Variants in CWC27 observed in about 807,000 individuals in gnomAD.
CWC27 encodes the protein CWC27 spliceosome associated cyclophilin.
CWC27 carries 47 observed loss-of-function variants against 63.6 expected under a neutral mutation model. That is an observed-to-expected ratio of 0.74 (90% CI 0.58 to 0.94). The LOEUF is 0.94. Ranked by LOEUF, CWC27 falls within the 40% of genes least tolerant of loss-of-function variation. CWC27 has a pLI of 0.00. For missense variants in CWC27, 495 were observed against 554.3 expected, an observed-to-expected ratio of 0.89 and a Z score of 1.07; for synonymous variants, 175 against 179.8, an observed-to-expected ratio of 0.97 and a Z score of 0.22.
chr5:64,910,608 A>G (rs1747764945), intron 11 of CWC27, among the ~76,000 whole-genome samples: 1 of 152,204 alleles, frequency 6.6e-6, no homozygotes, highest in Non-Finnish European at 1.5e-5. Context: ...GGCTCCACCC[A>G]GTTCAAGCTT....
chr5:64,800,137 C>A, intron 7 of CWC27, 111 bp from the exon 8 acceptor site: 2 of 624,066 alleles, frequency 3.2e-6, no homozygotes, highest in Non-Finnish European at 2.6e-6. Context: ...AGGAATACAT[C>A]TTTTGCTAAC....
At chr5:64,889,291 T>C (rs1475720393) in intron 11 of CWC27, among the ~76,000 whole-genome samples, 1 of 152,218 alleles carries the variant, frequency 6.6e-6, no homozygotes, top group Non-Finnish European at 1.5e-5. Context: ...GTTCCAACAT[T>C]ATTGGCATGG....
chr5:64,930,739 C>T (rs1362474992), intron 11 of CWC27, among the ~76,000 whole-genome samples: 1 of 152,050 alleles, frequency 6.6e-6, no homozygotes, highest in Non-Finnish European at 1.5e-5. Context: ...ATAGAGAAAC[C>T]GTAAAACACC....
At chr5:64,842,441 C>T (rs1187379408) in intron 10 of CWC27, among the ~76,000 whole-genome samples, 1 of 151,710 alleles carries the variant, frequency 6.6e-6, no homozygotes, top group African/African-American at 2.4e-5. Context: ...GTAGCTGAGA[C>T]TGCAGGCACC....
intron 13 of CWC27, among the ~76,000 whole-genome samples, chr5:64,981,545 G>A (rs956535917): frequency 2.0e-5 from 3 of 152,054 alleles, no homozygotes; most frequent in Admixed American, 6.5e-5. Context: ...CATTTTCTTA[G>A]GATAAATTTC....
intron 10 of CWC27, chr5:64,808,296 A>G: frequency 1.0e-6 from 1 of 989,852 alleles, no homozygotes; most frequent in Non-Finnish European, 1.2e-6. Flanking sequence ...AGTTTGTATC[A>G]TGTTAGTTCC....
At chr5:64,824,865 T>C (rs896974126) in intron 10 of CWC27, among the ~76,000 whole-genome samples, 10 of 151,372 alleles carry the variant, frequency 6.6e-5, no homozygotes, top group African/African-American at 2.4e-4. Flanking sequence ...CCCTAGTAGC[T>C]GGGACTACAG....
At chr5:64,987,645 G>T (rs1462353474) in intron 13 of CWC27, among the ~76,000 whole-genome samples, 1 of 152,118 alleles carries the variant, frequency 6.6e-6, no homozygotes, top group African/African-American at 2.4e-5. Context: ...GATTATTTTA[G>T]TTTTCCTTCA....
intron 11 of CWC27, among the ~76,000 whole-genome samples, chr5:64,967,330 ATTG>A (rs1247792361): frequency 6.6e-6 from 1 of 152,064 alleles, no homozygotes; most frequent in African/African-American, 2.4e-5. Context: ...TAGATTCACT[ATTG>A]TTAAGATTGC....
chr5:64,990,431 AT>A (rs1161236011), intron 13 of CWC27, among the ~76,000 whole-genome samples: 1 of 106,684 alleles, frequency 9.4e-6, no homozygotes, highest in Non-Finnish European at 2.0e-5. Context: ...CGCCCGGCTA[AT>A]TTTTTTGTAT....
At chr5:64,986,184 TA>T (rs1281367651) in intron 13 of CWC27, among the ~76,000 whole-genome samples, 1 of 152,180 alleles carries the variant, frequency 6.6e-6, no homozygotes, top group African/African-American at 2.4e-5. Context: ...CATGAAAACA[TA>T]AGTTTTCAAC....
chr5:64,936,460 G>A (rs779758225), intron 11 of CWC27, among the ~76,000 whole-genome samples: 3 of 152,274 alleles, frequency 2.0e-5, no homozygotes, highest in African/African-American at 4.8e-5. Context: ...TGACTTGATC[G>A]TGGTGGATAA....
intron 10 of CWC27, among the ~76,000 whole-genome samples, chr5:64,824,772 G>A (rs1384745051): frequency 2.5e-5 from 3 of 118,836 alleles, no homozygotes; most frequent in East Asian, 2.7e-4. Flanking sequence ...TCACTCCGTC[G>A]CCCAGGCTGG....
chr5:64,981,481 A>G (rs972775573), intron 13 of CWC27, among the ~76,000 whole-genome samples: 1 of 152,144 alleles, frequency 6.6e-6, no homozygotes, highest in East Asian at 1.9e-4. Context: ...TTATTTGACC[A>G]TGTTGTTGGA....
intron 11 of CWC27, among the ~76,000 whole-genome samples, chr5:64,896,936 G>T (rs1053726201): frequency 1.4e-4 from 22 of 152,154 alleles, no homozygotes; most frequent in African/African-American, 5.1e-4. Flanking sequence ...ATCAAGCCGC[G>T]CACGGTGGCT....
At chr5:64,989,707 T>C (rs1428442810) in intron 13 of CWC27, among the ~76,000 whole-genome samples, 1 of 152,208 alleles carries the variant, frequency 6.6e-6, no homozygotes, top group Non-Finnish European at 1.5e-5. Flanking sequence ...TTGTGGGTGC[T>C]GTTTGGTTGG....
chr5:64,870,907 T>C (rs1159980842), intron 10 of CWC27, among the ~76,000 whole-genome samples: 1 of 152,148 alleles, frequency 6.6e-6, no homozygotes, highest in East Asian at 1.9e-4. Context: ...AACAGTGTTG[T>C]CATGAACACC....
At chr5:65,017,222 G>A (rs181071503) in intron 13 of CWC27, among the ~76,000 whole-genome samples, 7 of 152,224 alleles carry the variant, frequency 4.6e-5, no homozygotes, top group East Asian at 3.9e-4. Flanking sequence ...TTGGGAGGCC[G>A]AGGCAGGAGA....
intron 11 of CWC27, among the ~76,000 whole-genome samples, chr5:64,891,620 G>A (rs1300747501): frequency 6.6e-6 from 1 of 152,074 alleles, no homozygotes; most frequent in Non-Finnish European, 1.5e-5. Flanking sequence ...GTCATAATTA[G>A]CGAATCTTGT....
Sources: gnomAD v4.1 joint callset for allele counts (sites outside exome capture counted in the v4.1 genomes callset) on GRCh38, gnomAD v4.1.1 for gene constraint, MANE v1.5 for transcripts, NCBI Gene and HGNC (gene_info 2026-07-23, HGNC 2026-07-21) for gene names.